The following UNG variants were observed in gnomAD, a reference collection of about 807,000 sequenced individuals.
UNG encodes uracil-DNA glycosylase.
In UNG, 34 loss-of-function variants were observed where a neutral mutation model predicts 36.5. That is an observed-to-expected ratio of 0.93 (90% CI 0.71 to 1.24). The LOEUF is 1.24. Ranked by LOEUF, UNG falls within the 50% of genes most tolerant of loss-of-function variation. The pLI is 0.00. For synonymous variants in UNG, 172 were observed against 157.8 expected (o/e 1.09, Z -0.67); for missense variants, 391 against 397.6 (o/e 0.98, Z 0.14).
chr12:109,098,490 C>G lies in UNG; in HGVS notation c.191C>G (p.Ser64Trp), dbSNP rs757987852. 4 of 1,612,316 alleles carry G rather than the reference C, an allele frequency of 2.5e-6. No homozygotes were observed. The African/African-American group carries it at 5.3e-5, about 22-fold the overall frequency. Residue 64 changes from serine to tryptophan, a missense_variant, in exon 2 of 7, where the codon TCG (serine) becomes TGG (tryptophan). Physicochemically the swap from Ser to Trp is radical, Grantham distance 177. Coordinates refer to ENST00000242576, the MANE Select transcript of UNG (RefSeq NM_080911.3). ...GQEEPGTPPS[S>W]PLSAEQLDRI... ...GAGGAGCCTGGGACGCCGCCCTCCT[C>G]GCCGCTGAGTGCCGAGCAGTTGGAC...
In UNG at chr12:109,098,413, C is replaced by G. The variant is rs749881834; in HGVS notation, c.133-19C>G. On this transcript the variant is annotated intron_variant, in intron 1 of 6. Transcript: ENST00000242576. ...GGCCGCTGCAGCTCTTGAGCCGCCT[C>G]TGCGGGGACCACTTGCAGGCCATCC... 6.2e-7 allele frequency: 1 copy of G among 1,605,108 alleles called. No homozygotes were observed. The highest frequency in any genetic ancestry group is 8.5e-7 in the Non-Finnish European group (1 of 1,175,730).
At chr12:109,107,242 C>A (rs1193260021) in intron 6 of UNG, among the ~76,000 whole-genome samples, 1 of 152,034 alleles carries the variant, frequency 6.6e-6, no homozygotes, top group East Asian at 1.9e-4. Flanking sequence ...GCTCTGTCAC[C>A]CAGGCTGGAA....
At chr12:109,099,355 G>T in intron 3 of UNG, 71 bp downstream of exon 3, 1 of 1,305,790 alleles carries the variant, frequency 7.7e-7, no homozygotes, top group South Asian at 1.2e-5. Context: ...TAGGGACACT[G>T]GAGTTAAGCC....
Position 109,098,502 on chromosome 12 carries a change from C to T in UNG, c.203C>T (p.Ala68Val), listed in dbSNP as rs1435121806. The T allele has an allele frequency of 1.2e-6, 2 of 1,612,794 alleles. No individual in the cohort carries two copies. The highest frequency in any genetic ancestry group is 1.7e-6 in the Non-Finnish European group (2 of 1,179,822). ...PGTPPSSPLS[A>V]EQLDRIQRNK... ...ACGCCGCCCTCCTCGCCGCTGAGTG[C>T]CGAGCAGTTGGACCGGATCCAGAGG... The change falls in exon 2 of 7, where the codon GCC becomes GTC. Residue 68 changes from alanine (A) to valine (V), a missense_variant. Ala to Val is a moderately conservative substitution (Grantham distance 64). Coordinates refer to ENST00000242576, the MANE Select transcript of UNG (RefSeq NM_080911.3).
intron 6 of UNG, among the ~76,000 whole-genome samples, chr12:109,106,919 G>GTA (rs140915089): frequency 2.6e-4 from 1 of 3,864 alleles, no homozygotes; most frequent in South Asian, 0.012. Context: ...ATATATATGT[G>GTA]TATATATATA....
chr12:109,106,934 T>TATATATATGTGTATATATATATAA (rs1566123324), intron 6 of UNG, among the ~76,000 whole-genome samples: 9 of 39,924 alleles, frequency 2.3e-4, no homozygotes, highest in East Asian at 1.5e-3. Flanking sequence ...TATATATATA[T>TATATATATGTGTATATATATATAA]AAAAAATATT....
In UNG at chr12:109,098,450, G is replaced by A. The variant is rs748002881; in HGVS notation, c.151G>A (p.Ala51Thr). The A allele has an allele frequency of 1.9e-6, 3 of 1,609,882 alleles. No homozygotes were observed. Among genetic ancestry groups the A allele is most frequent in the Non-Finnish European group, 1.7e-6 (2 of 1,178,332 alleles). The change falls in exon 2 of 7, where the codon GCC becomes ACC. Residue 51 changes from alanine (A) to threonine (T), a missense_variant. Physicochemically the swap from Ala to Thr is moderately conservative, Grantham distance 58. Transcript: ENST00000242576. ...GDAAAIPAKK[A>T]PAGQEEPGTP... Reference sequence around the variant, plus strand: ...CTTGCAGGCCATCCCAGCCAAGAAGGCCCCGGCTGGGCAGGAGGAGCCTGG... The same window carrying A: ...CTTGCAGGCCATCCCAGCCAAGAAGACCCCGGCTGGGCAGGAGGAGCCTGG...
intron 6 of UNG, among the ~76,000 whole-genome samples, chr12:109,108,994 T>C (rs558755981): frequency 4.3e-4 from 66 of 152,300 alleles, no homozygotes; most frequent in Non-Finnish European, 7.4e-4. Context: ...AAACACTTCA[T>C]TGTAAAAGAA....
In UNG at chr12:109,101,916, C is replaced by T; in HGVS notation, c.450C>T (p.Ile150=). 1 of 1,614,004 alleles carries T rather than the reference C, an allele frequency of 6.2e-7. No homozygotes were observed. The highest frequency in any genetic ancestry group is 8.5e-7 in the Non-Finnish European group (1 of 1,179,982). Residue 150 remains isoleucine (I), a synonymous_variant, in exon 4 of 7, where the codon ATC becomes ATT. Coordinates refer to ENST00000242576, the MANE Select transcript of UNG (RefSeq NM_080911.3). Reference sequence around the variant, plus strand: ...GTGGTTCACAGGTGAAGGTTGTCATCCTGGGACAGGATCCATATCATGGAC... The same window carrying T: ...GTGGTTCACAGGTGAAGGTTGTCATTCTGGGACAGGATCCATATCATGGAC... ...MCDIKDVKVV[I]LGQDPYHGPN... is the part of the protein sequence containing the mutation.
chr12:109,100,343 T>C (rs1424500635), intron 3 of UNG, among the ~76,000 whole-genome samples: 1 of 152,228 alleles, frequency 6.6e-6, no homozygotes, highest in Non-Finnish European at 1.5e-5. Flanking sequence ...CACTGGACTT[T>C]TAGGTTTCTT....
At chr12:109,097,837 AG>A in intron 1 of UNG, 26 bp downstream of exon 1, 2 of 1,500,498 alleles carry the variant, frequency 1.3e-6, no homozygotes, top group Non-Finnish European at 1.8e-6. Flanking sequence ...GGCCGGGGCT[AG>A]GGGGTGAAGG....
chr12:109,103,062 A>G (rs563262266), intron 5 of UNG, 135 bp downstream of exon 5: 985 of 710,512 alleles, frequency 1.4e-3, no homozygotes, highest in Non-Finnish European at 2.2e-3. Context: ...GGCGATTCTC[A>G]TGCCTCAGCC....
In UNG at chr12:109,110,961, C is replaced by T. The variant is rs2042260517; in HGVS notation, c.*992C>T. The T allele has an allele frequency of 6.6e-6, 1 of 152,030 alleles. No individual in the cohort carries two copies. Among genetic ancestry groups the T allele is most frequent in the South Asian group, 2.1e-4 (1 of 4,806 alleles). The allele number at this position is 152,030 out of a possible 1,614,324, so 9.4% of individuals were successfully genotyped here. On this transcript the variant is annotated 3_prime_UTR_variant, in exon 7 of 7. Transcript: ENST00000242576. ...TAGTCGGGTTAGAGTTGGCTCTACG[C>T]GAGGTTTGTTAATAAAAGTTTGTTA...
At position 109,102,854 on chromosome 12, in the gene UNG, TAA is replaced by T. The variant is rs769537890; in HGVS notation, c.551_552del (p.Lys184ArgfsTer43). The T allele has an allele frequency of 6.2e-7, 1 of 1,613,458 alleles. No individual in the cohort carries two copies. Among genetic ancestry groups the T allele is most frequent in the Non-Finnish European group, 8.5e-7 (1 of 1,179,578 alleles). Reference protein sequence around the residue: ...PPPPSLENIYKELSTDIEDFV... With the variant: ...PPPPSLENIYXELSTDIEDFV... ...TTGCTTTCAGTTTGGAGAACATTTATAAAGAGTTGTCTACAGACATAGAGGAT... is the reference window on the plus strand; with the variant it reads ...TTGCTTTCAGTTTGGAGAACATTTATAGAGTTGTCTACAGACATAGAGGAT... On this transcript the variant is annotated frameshift_variant, in exon 5 of 7. Transcript: ENST00000242576. LOFTEE classifies it high-confidence loss of function.
intron 6 of UNG, among the ~76,000 whole-genome samples, chr12:109,106,921 A>G (rs199655937): frequency 6.1e-4 from 24 of 39,410 alleles, no homozygotes; most frequent in South Asian, 9.3e-4. Flanking sequence ...ATATATGTGT[A>G]TATATATATA....
At chr12:109,098,071 A>T (rs892967753) in intron 1 of UNG, 1 of 1,381,802 alleles carries the variant, frequency 7.2e-7, no homozygotes, top group Non-Finnish European at 9.3e-7. Context: ...GCGCTGTCCA[A>T]TCAGAGGGGA....
chr12:109,099,303 T>C lies in UNG; in HGVS notation c.435+19T>C. ...AAAAGATGTAAGTACAACTTGTTGA[T>C]AATTTTTATTGGGGAGAAGGAGTCA... On this transcript the variant is annotated intron_variant, in intron 3 of 6. Coordinates refer to ENST00000242576, the MANE Select transcript of UNG (RefSeq NM_080911.3). 6.3e-7 allele frequency: 1 copy of C among 1,599,950 alleles called. No individual in the cohort carries two copies. Among genetic ancestry groups the C allele is most frequent in the Non-Finnish European group, 8.6e-7 (1 of 1,167,170 alleles).
intron 3 of UNG, among the ~76,000 whole-genome samples, chr12:109,099,757 T>G (rs80001089): frequency 0.058 from 8,865 of 152,300 alleles, 372 homozygotes; most frequent in Middle Eastern, 0.15. Flanking sequence ...AGTTGCTGGT[T>G]GGCGGCTCTC....
At chr12:109,107,672 T>C (rs1034604299) in intron 6 of UNG, among the ~76,000 whole-genome samples, 5 of 151,870 alleles carry the variant, frequency 3.3e-5, no homozygotes, top group South Asian at 2.1e-4. Context: ...ATTACAGGCA[T>C]GTACCACCAC....
Sources: gnomAD v4.1 joint callset for allele counts (sites outside exome capture counted in the v4.1 genomes callset) on GRCh38, gnomAD v4.1.1 for gene constraint, MANE v1.5 for transcripts, NCBI Gene and HGNC (gene_info 2026-07-23, HGNC 2026-07-21) for gene names.